Variants in CFAP298 observed in about 807,000 individuals in gnomAD.
CFAP298 encodes the protein cilia- and flagella-associated protein 298.
In CFAP298, 38 loss-of-function variants were observed where a neutral mutation model predicts 41.0. That is an observed-to-expected ratio of 0.93 (90% CI 0.72 to 1.22). CFAP298 has a LOEUF of 1.22. Ranked by LOEUF, CFAP298 falls within the 50% of genes most tolerant of loss-of-function variation. The pLI is 0.00. For missense variants in CFAP298, 348 were observed against 360.3 expected, an observed-to-expected ratio of 0.97 and a Z score of 0.28; for synonymous variants, 137 against 135.3, an observed-to-expected ratio of 1.01 and a Z score of -0.09.
Position 32,607,720 on chromosome 21 carries a change from T to C in CFAP298, c.308-4A>G. ...TGCTTCATCTTCTCATTTGGAGCTATAAAAATAAAAAGGAGAGAGGGAGAA... is the reference window on the plus strand; with the variant it reads ...TGCTTCATCTTCTCATTTGGAGCTACAAAAATAAAAAGGAGAGAGGGAGAA... On this transcript the variant is annotated splice_region_variant and splice_polypyrimidine_tract_variant and intron_variant, in intron 2 of 6. Coordinates refer to ENST00000290155, the MANE Select transcript of CFAP298 (RefSeq NM_021254.4). 6.4e-7 allele frequency: 1 copy of C among 1,568,244 alleles called. No homozygotes were observed. The highest frequency in any genetic ancestry group is 1.1e-5 in the South Asian group (1 of 87,552).
intron 2 of CFAP298, among the ~76,000 whole-genome samples, chr21:32,608,224 C>CAAAAAAA (rs751998741): frequency 1.5e-4 from 14 of 93,910 alleles, no homozygotes; most frequent in Non-Finnish European, 1.9e-4. Flanking sequence ...GCTTAGAAGC[C>CAAAAAAA]AAAAAAAAAA....
Position 32,609,911 on chromosome 21 carries a change from T to G in CFAP298, c.234A>C (p.Glu78Asp). The G allele has an allele frequency of 1.2e-6, 2 of 1,614,178 alleles. No individual in the cohort carries two copies. The highest frequency in any genetic ancestry group is 2.7e-5 in the African/African-American group (2 of 75,056). Residue 78 changes from glutamate to aspartate, a missense_variant, in exon 2 of 7, where the codon GAA becomes GAC. Glu to Asp is a conservative substitution (Grantham distance 45). Transcript: ENST00000290155. Reference protein sequence around the residue: ...DQIEELKLKDEWGEKCVPSGG... With the variant: ...DQIEELKLKDDWGEKCVPSGG... ...CGCTGGGTACGCATTTTTCACCCCA[T>G]TCATCCTTCAATTTCAATTCTTCAA...
Position 32,601,784 on chromosome 21 carries a change from CT to C in CFAP298, c.*78del, listed in dbSNP as rs79380292. ...TCTTTTACAGAGGGCAGTAAGTGGC[CT>C]TTTTTTTTTTTTTAAATTATAATTG... is the stretch of plus-strand genomic sequence containing the variant. On this transcript the variant is annotated 3_prime_UTR_variant, in exon 7 of 7. Transcript: ENST00000290155. 0.21 allele frequency: 115,578 copies of C among 559,008 alleles called. 6 individuals carry two copies. Among genetic ancestry groups the C allele is most frequent in the East Asian group, 0.26 (7,403 of 28,980 alleles). 34.6% of individuals were successfully genotyped at this position (559,008 alleles called of 1,614,324 possible).
intron 5 of CFAP298, chr21:32,602,745 CG>C: frequency 8.0e-7 from 1 of 1,252,894 alleles, no homozygotes; most frequent in Non-Finnish European, 1.0e-6. Context: ...AAAACCAAGG[CG>C]GCCCCTCAGG....
chr21:32,602,805 C>A, intron 5 of CFAP298: 1 of 1,367,738 alleles, frequency 7.3e-7, no homozygotes, highest in Non-Finnish European at 9.4e-7. Context: ...TTTCCTCCTC[C>A]CCCTCCTGTA....
Position 32,600,540 on chromosome 21 carries a change from A to G in CFAP298, c.*1323T>C, listed in dbSNP as rs1483051061. ...CACCAAGTTCCCTCTAACCAGGAGAACAGGACCCTAGGCACCAAAAGTCAA... is the reference window on the plus strand; with the variant it reads ...CACCAAGTTCCCTCTAACCAGGAGAGCAGGACCCTAGGCACCAAAAGTCAA... On this transcript the variant is annotated 3_prime_UTR_variant, in exon 7 of 7. Transcript: ENST00000290155. Among the ~76,000 whole-genome samples, 1 of 152,236 alleles carries G rather than the reference A, an allele frequency of 6.6e-6. No individual in the cohort carries two copies. The highest frequency in any genetic ancestry group is 2.4e-5 in the African/African-American group (1 of 41,466).
In CFAP298 at chr21:32,601,366, T is replaced by C. The variant is rs1356781932; in HGVS notation, c.*497A>G. ...GGATAGAGTGCAGTGGCAGTGATCT[T>C]GGCTCACTGTAAGCTCCACCTCCCG... On this transcript the variant is annotated 3_prime_UTR_variant, in exon 7 of 7. Transcript: ENST00000290155. Among the ~76,000 whole-genome samples, 6 of 149,710 alleles carry C rather than the reference T, an allele frequency of 4.0e-5. No individual in the cohort carries two copies. The highest frequency in any genetic ancestry group is 4.3e-4 in the South Asian group (2 of 4,630).
rs2038742099 is a variant in CFAP298, at chr21:32,601,703, C to T, written c.*160G>A. The T allele has an allele frequency of 3.6e-6, 2 of 560,904 alleles. No individual in the cohort carries two copies. The highest frequency in any genetic ancestry group is 3.2e-6 in the Non-Finnish European group (1 of 315,426). The allele number at this position is 560,904 out of a possible 1,614,324, so 34.7% of individuals were successfully genotyped here. On this transcript the variant is annotated 3_prime_UTR_variant, in exon 7 of 7. Transcript: ENST00000290155. ...CTAGGTATTTATTAAGTTCTAAAAC[C>T]TTGAATAACTGCTATTTTAAAAATT...
intron 3 of CFAP298, among the ~76,000 whole-genome samples, chr21:32,606,003 G>A (rs1025405056): frequency 3.3e-5 from 5 of 152,136 alleles, no homozygotes; most frequent in African/African-American, 4.8e-5. Flanking sequence ...GGGAGCAGAC[G>A]GTACAGAACC....
rs73194254 is a variant in CFAP298, at chr21:32,603,619, G to A, written c.535-327C>T. Among the ~76,000 whole-genome samples the A allele has an allele frequency of 0.021, 3,194 of 152,306 alleles. 51 individuals carry two copies. Among genetic ancestry groups the A allele is most frequent in the Middle Eastern group, 0.044 (13 of 294 alleles). On this transcript the variant is annotated intron_variant, in intron 4 of 6. Coordinates refer to ENST00000290155, the MANE Select transcript of CFAP298 (RefSeq NM_021254.4). ...TGGCATCGTGCTGGGTGTTTAAATC[G>A]AGGTATAAAGGGGCTGCCTGTTTAC...
At chr21:32,604,342 C>T in intron 3 of CFAP298, 59 bp from the exon 4 acceptor site, 1 of 1,591,850 alleles carries the variant, frequency 6.3e-7, no homozygotes, top group Non-Finnish European at 8.6e-7. Context: ...TAAATTCGAT[C>T]AAGATCTTGT....
intron 3 of CFAP298, chr21:32,604,638 C>T: frequency 4.1e-6 from 1 of 242,374 alleles, no homozygotes; most frequent in Non-Finnish European, 8.1e-6. Context: ...TGAAAAGGTA[C>T]AGATGGCAGC....
chr21:32,602,455 T>C, intron 5 of CFAP298, 88 bp from the exon 6 acceptor site: 1 of 1,514,364 alleles, frequency 6.6e-7, no homozygotes, highest in Non-Finnish European at 8.8e-7. Flanking sequence ...TACGATTGCC[T>C]TTGCCGGCTA....
At position 32,609,891 on chromosome 21, in the gene CFAP298, G is replaced by A. The variant is rs765408859; in HGVS notation, c.254C>T (p.Pro85Leu). 2.5e-6 allele frequency: 4 copies of A among 1,613,984 alleles called. No individual in the cohort carries two copies. Among genetic ancestry groups the A allele is most frequent in the South Asian group, 1.1e-5 (1 of 91,072 alleles). Residue 85 changes from proline (P) to leucine (L), a missense_variant, in exon 2 of 7, where the codon CCC becomes CTC. Physicochemically the swap from Pro to Leu is moderately conservative, Grantham distance 98 (BLOSUM62 -3). Coordinates refer to ENST00000290155, the MANE Select transcript of CFAP298 (RefSeq NM_021254.4). ...CTTTTTAAACACTGCACCTCCGCTG[G>A]GTACGCATTTTTCACCCCATTCATC... Reference protein sequence around the residue: ...LKDEWGEKCVPSGGAVFKKDD... With the variant: ...LKDEWGEKCVLSGGAVFKKDD...
rs1000531049 is a variant in CFAP298, at chr21:32,599,525, A to G, written c.*2338T>C. 8.5e-5 allele frequency among the ~76,000 whole-genome samples: 13 copies of G among 152,206 alleles called. No individual in the cohort carries two copies. The highest frequency in any genetic ancestry group is 3.1e-4 in the African/African-American group (13 of 41,444). On this transcript the variant is annotated 3_prime_UTR_variant, in exon 7 of 7. Transcript: ENST00000290155. ...CTCAAACAGGGACTGGATTAAAAAA[A>G]GAAGAAAATAACAACAAGACCACAG...
chr21:32,607,647 A>C lies in CFAP298; in HGVS notation c.375+2T>G, dbSNP rs934312313. ...TTTAGTGCATCATTTAAAAAAGCCA[A>C]CCTTAGATATTATTGCTTTGGCTTC... On this transcript the variant is annotated splice_donor_variant, in intron 3 of 6. Transcript: ENST00000290155. LOFTEE classifies it high-confidence loss of function. 1 of 1,556,564 alleles carries C rather than the reference A, an allele frequency of 6.4e-7. No homozygotes were observed. Among genetic ancestry groups the C allele is most frequent in the Non-Finnish European group, 8.7e-7 (1 of 1,143,634 alleles).
rs923453820 is a variant in CFAP298, at chr21:32,612,229, G to A, written c.15C>T (p.His5=). The A allele has an allele frequency of 3.7e-6, 6 of 1,610,134 alleles. No individual in the cohort carries two copies. Among genetic ancestry groups the A allele is most frequent in the Non-Finnish European group, 5.1e-6 (6 of 1,178,988 alleles). MVLL[H]VKRGDESQFL... ...ACTGGCTCTCGTCGCCCCGCTTCAC[G>A]TGCAGCAGAACCATGGCGGTCCCGC... Residue 5 remains histidine (H), a synonymous_variant, in exon 1 of 7, where the codon CAC becomes CAT. Coordinates refer to ENST00000290155, the MANE Select transcript of CFAP298 (RefSeq NM_021254.4).
rs1259853918 is a variant in CFAP298 at position 32,609,905 on chromosome 21, A to T, written c.240T>A (p.Gly80=). The part of the protein sequence containing the change: ...IEELKLKDEW[G]EKCVPSGGAV... ...CACCTCCGCTGGGTACGCATTTTTC[A>T]CCCCATTCATCCTTCAATTTCAATT... The change falls in exon 2 of 7, where the codon GGT becomes GGA. Residue 80 remains glycine, a synonymous_variant. Coordinates refer to ENST00000290155, the MANE Select transcript of CFAP298 (RefSeq NM_021254.4). The T allele has an allele frequency of 1.4e-5, 22 of 1,614,078 alleles. No individual in the cohort carries two copies. The highest frequency in any genetic ancestry group is 1.9e-5 in the Non-Finnish European group (22 of 1,179,992).
At chr21:32,609,075 T>A (rs1164736848) in intron 2 of CFAP298, among the ~76,000 whole-genome samples, 1 of 152,232 alleles carries the variant, frequency 6.6e-6, no homozygotes, top group African/African-American at 2.4e-5. Flanking sequence ...TTTTGCCGTG[T>A]ACTGAAGTGC....
Sources: gnomAD v4.1 joint callset for allele counts (sites outside exome capture counted in the v4.1 genomes callset) on GRCh38, gnomAD v4.1.1 for gene constraint, MANE v1.5 for transcripts, NCBI Gene and HGNC (gene_info 2026-07-23, HGNC 2026-07-21) for gene names.